The following TBX18 variants were observed in gnomAD, a reference collection of about 807,000 sequenced individuals.
TBX18 encodes the protein T-box transcription factor TBX18.
Under a neutral mutation model 55.0 loss-of-function variants are expected in TBX18, and 21 were observed. The observed-to-expected ratio is 0.38, with a 90% confidence interval of 0.27 to 0.55. The LOEUF (loss-of-function observed/expected upper bound fraction) is 0.55. Among genes scored for constraint, TBX18 ranks in the 20% least tolerant of loss-of-function variants. The pLI is 0.73. For synonymous variants in TBX18, 342 were observed against 326.1 expected (o/e 1.05, Z -0.53); for missense variants, 840 against 799.6 (o/e 1.05, Z -0.61).
intron 6 of TBX18, among the ~76,000 whole-genome samples, chr6:84,739,302 TAATGAATG>T (rs1248948424): frequency 1.3e-5 from 2 of 151,982 alleles, no homozygotes; most frequent in Non-Finnish European, 2.9e-5. Context: ...GAAATACACT[TAATGAATG>T]GATACTTAAA....
At chr6:84,756,584 TA>T in intron 4 of TBX18, 113 bp downstream of exon 4, 1 of 1,020,306 alleles carries the variant, frequency 9.8e-7, no homozygotes, top group Non-Finnish European at 1.5e-6. Flanking sequence ...GTGTACATAC[TA>T]ATCAATCAGG....
chr6:84,758,690 T>C (rs1767562099), intron 3 of TBX18, among the ~76,000 whole-genome samples: 1 of 151,868 alleles, frequency 6.6e-6, no homozygotes, highest in Non-Finnish European at 1.5e-5. Context: ...ACAAATAGAG[T>C]AATAGGCTCT....
At chr6:84,741,461 A>T (rs1582067122) in intron 6 of TBX18, 2 of 152,344 alleles carry the variant, frequency 1.3e-5, no homozygotes, top group African/African-American at 4.8e-5. Flanking sequence ...TTCTCAGCAC[A>T]TAAATTCTCT....
At chr6:84,763,812 G>T in intron 1 of TBX18, 78 bp downstream of exon 1, 1 of 1,424,906 alleles carries the variant, frequency 7.0e-7, no homozygotes. Context: ...GGGACGCGGC[G>T]CGCACGCACA....
In TBX18 at chr6:84,756,785, C is replaced by T. The variant is rs778475965; in HGVS notation, c.684G>A (p.Ser228=). ...TCATCCAAGTCTCCCCCGAGGCAGG[C>T]GAGTCTGGATGAATGTACACACGGG... The part of the protein sequence containing the change: ...VPPRVYIHPD[S]PASGETWMRQ... The change falls in exon 4 of 8, where the codon TCG becomes TCA. Residue 228 remains serine, a synonymous_variant. Transcript: ENST00000369663. 19 of 1,614,070 alleles carry T rather than the reference C, an allele frequency of 1.2e-5. No individual in the cohort carries two copies. Among genetic ancestry groups the T allele is most frequent in the Non-Finnish European group, 1.5e-5 (18 of 1,180,018 alleles).
rs963826780 is a variant in TBX18 at position 84,762,584 on chromosome 6, G to A, written c.457C>T (p.His153Tyr). ...LQGAELWKRF[H>Y]EIGTEMIITK... ...ATGATCATCTCAGTGCCTATCTCAT[G>A]AAAGCGCTTCCAGAGCTCGGCTCCC... Residue 153 changes from histidine to tyrosine, a missense_variant, in exon 2 of 8, where the codon CAT becomes TAT. Transcript: ENST00000369663. The A allele has an allele frequency of 1.2e-6, 2 of 1,613,998 alleles. No individual in the cohort carries two copies. Among genetic ancestry groups the A allele is most frequent in the East Asian group, 2.2e-5 (1 of 44,866 alleles).
At chr6:84,762,279 G>C (rs974003754) in intron 2 of TBX18, among the ~76,000 whole-genome samples, 4 of 152,292 alleles carry the variant, frequency 2.6e-5, no homozygotes, top group East Asian at 1.9e-4. Context: ...AACATCAACC[G>C]CGACAGCTGT....
In TBX18 at chr6:84,752,308, G is replaced by T. The variant is rs188018229; in HGVS notation, c.772-4221C>A. Among the ~76,000 whole-genome samples, 36 of 152,266 alleles carry T rather than the reference G, an allele frequency of 2.4e-4. 1 individual carries two copies. The highest frequency in any genetic ancestry group is 2.3e-3 in the Admixed American group (35 of 15,292). On this transcript the variant is annotated intron_variant, in intron 4 of 7. Coordinates refer to ENST00000369663, the MANE Select transcript of TBX18 (RefSeq NM_001080508.3). ...GCTCAATAAGAAAACACTCCCTGCT[G>T]ACTGGAAATTTTCCAGATGACCTAA...
chr6:84,745,242 G>C (rs370602442), intron 5 of TBX18, among the ~76,000 whole-genome samples: 6 of 152,050 alleles, frequency 3.9e-5, no homozygotes, highest in African/African-American at 1.4e-4. Context: ...TCCATTAATA[G>C]TTTTTTTAGT....
chr6:84,758,581 A>T (rs986198282), intron 3 of TBX18, among the ~76,000 whole-genome samples: 3 of 152,122 alleles, frequency 2.0e-5, no homozygotes, highest in Admixed American at 6.5e-5. Flanking sequence ...AATAAGCCAA[A>T]TTTTTTCCTA....
chr6:84,762,444 A>T, intron 2 of TBX18, 100 bp downstream of exon 2: 4 of 1,388,214 alleles, frequency 2.9e-6, no homozygotes, highest in Non-Finnish European at 4.1e-6. Context: ...GCTATCCAGA[A>T]CCCCCACCGA....
rs1554221584 is a variant in TBX18, at chr6:84,764,408, T to TCG, written c.-229_-228dup. 1.1e-5 allele frequency: 6 copies of TCG among 564,104 alleles called. No homozygotes were observed. The highest frequency in any genetic ancestry group is 1.7e-5 in the Non-Finnish European group (6 of 345,630). The allele number at this position is 564,104 out of a possible 1,614,324, so 34.9% of individuals were successfully genotyped here. A position where few individuals can be genotyped will look rare whatever the true frequency, so the allele number is the denominator to read the frequency against. Reference sequence around the variant, plus strand: ...CCAAGTCTCCTTTCCTGGGTCTCTCTCGCGCGCTCTCTCACTGATGCACTC... The same window carrying TCG: ...CCAAGTCTCCTTTCCTGGGTCTCTCTCGCGCGCGCTCTCTCACTGATGCACTC... On this transcript the variant is annotated 5_prime_UTR_variant, in exon 1 of 8. Transcript: ENST00000369663.
rs1192217445 is a variant in TBX18, at chr6:84,736,388, A to G, written c.*297T>C. ...TTTTAAGTTTACCATCTTGTTTTTA[A>G]AAGAGTCTGAGAACTTTGCTTAAAC... On this transcript the variant is annotated 3_prime_UTR_variant, in exon 8 of 8. Transcript: ENST00000369663. The G allele has an allele frequency of 4.6e-6, 1 of 218,140 alleles. No homozygotes were observed. The highest frequency in any genetic ancestry group is 1.8e-4 in the South Asian group (1 of 5,444). 13.5% of individuals were successfully genotyped at this position (218,140 alleles called of 1,614,324 possible). A position where few individuals can be genotyped will look rare whatever the true frequency, so the allele number is the denominator to read the frequency against.
chr6:84,737,136 A>G lies in TBX18; in HGVS notation c.1373T>C (p.Val458Ala). 6.2e-7 allele frequency: 1 copy of G among 1,614,150 alleles called. No individual in the cohort carries two copies. Residue 458 changes from valine to alanine, a missense_variant, in exon 8 of 8, where the codon GTG becomes GCG. Transcript: ENST00000369663. ...CACGGAGGTGCTGCTGCTCACGCCC[A>G]CATAGGAGGGAGTCCTGGGCGGGGC... The part of the protein sequence containing the change: ...TFAPPRTPSY[V>A]GVSSSTSVNM...
At chr6:84,755,057 A>T (rs1767450218) in intron 4 of TBX18, among the ~76,000 whole-genome samples, 1 of 152,010 alleles carries the variant, frequency 6.6e-6, no homozygotes, top group Non-Finnish European at 1.5e-5. Flanking sequence ...ACACACACAA[A>T]CACGCACACA....
chr6:84,742,431 C>T (rs1767070027), intron 6 of TBX18: 1 of 152,156 alleles, frequency 6.6e-6, no homozygotes, highest in African/African-American at 2.4e-5. Context: ...GTCATTTTCA[C>T]TGACCAAATT....
chr6:84,752,291 A>T (rs1320246663), intron 4 of TBX18, among the ~76,000 whole-genome samples: 1 of 152,240 alleles, frequency 6.6e-6, no homozygotes, highest in Non-Finnish European at 1.5e-5. Context: ...TAGCTCAATA[A>T]GAAAACACTC....
chr6:84,747,863 T>G, intron 5 of TBX18, 57 bp downstream of exon 5: 3 of 1,522,806 alleles, frequency 2.0e-6, no homozygotes, highest in Non-Finnish European at 1.8e-6. Flanking sequence ...GATAGCTAAC[T>G]TTCTCTCTTC....
At chr6:84,748,485 A>G (rs867755807) in intron 4 of TBX18, among the ~76,000 whole-genome samples, 1 of 152,250 alleles carries the variant, frequency 6.6e-6, no homozygotes, top group Non-Finnish European at 1.5e-5. Flanking sequence ...CCCCTAAAAA[A>G]TAAGTATTCA....
Sources: gnomAD v4.1 joint callset for allele counts (sites outside exome capture counted in the v4.1 genomes callset) on GRCh38, gnomAD v4.1.1 for gene constraint, MANE v1.5 for transcripts, NCBI Gene and HGNC (gene_info 2026-07-23, HGNC 2026-07-21) for gene names.